ATP10D: variants seen among roughly 807,000 people sequenced by gnomAD.
ATP10D encodes phospholipid-transporting ATPase VD.
ATP10D carries 89 observed loss-of-function variants against 144.8 expected under a neutral mutation model. The observed-to-expected ratio is 0.61, with a 90% CI of 0.52 to 0.73. The LOEUF (loss-of-function observed/expected upper bound fraction) is 0.73. Among genes scored for constraint, ATP10D ranks in the 30% least tolerant of loss-of-function variants. The pLI is 0.00. For missense variants in ATP10D, 1,603 were observed against 1,714.8 expected, an observed-to-expected ratio of 0.93 and a Z score of 1.15; for synonymous variants, 571 against 615.1, an observed-to-expected ratio of 0.93 and a Z score of 1.06.
chr4:47,542,580 C>T (rs929611996), intron 9 of ATP10D, among the ~76,000 whole-genome samples: 14 of 152,126 alleles, frequency 9.2e-5, no homozygotes, highest in African/African-American at 3.4e-4. Flanking sequence ...TGGGTTTAAG[C>T]AGCTCTCCTG....
At chr4:47,557,491 C>T (rs1331470843) in intron 11 of ATP10D, among the ~76,000 whole-genome samples, 173 bp from the exon 12 acceptor site, 1 of 151,914 alleles carries the variant, frequency 6.6e-6, no homozygotes, top group African/African-American at 2.4e-5. Flanking sequence ...TATTAAAAAA[C>T]AAATTTTTAT....
At chr4:47,507,581 A>G (rs77461778) in intron 1 of ATP10D, among the ~76,000 whole-genome samples, 2,764 of 152,348 alleles carry the variant, frequency 0.018, 75 homozygotes, top group African/African-American at 0.063. Context: ...GAAAAGCCAG[A>G]TTGAGCCATG....
At chr4:47,524,187 A>T (rs1372666344) in intron 4 of ATP10D, among the ~76,000 whole-genome samples, 1 of 151,896 alleles carries the variant, frequency 6.6e-6, no homozygotes, top group Non-Finnish European at 1.5e-5. Flanking sequence ...CGGCCTCCCA[A>T]AGTGCTGGGA....
At position 47,569,051 on chromosome 4, in the gene ATP10D, G is replaced by A. The variant is rs1372854029; in HGVS notation, c.3068G>A (p.Cys1023Tyr). 7 of 1,614,220 alleles carry A rather than the reference G, an allele frequency of 4.3e-6. No individual in the cohort carries two copies. Among genetic ancestry groups the A allele is most frequent in the Middle Eastern group, 1.7e-4 (1 of 6,056 alleles). The change falls in exon 16 of 23, where the codon TGT (cysteine) becomes TAT (tyrosine). Residue 1023 changes from cysteine to tyrosine, a missense_variant. Transcript: ENST00000273859. Reference protein sequence around the residue: ...QKQFLELTSWCQAVVCCRATP... With the variant: ...QKQFLELTSWYQAVVCCRATP... Reference sequence around the variant, plus strand: ...CAGTTCCTGGAACTGACATCTTGGTGTCAAGCTGTGGTCTGCTGCCGAGCC... The same window carrying A: ...CAGTTCCTGGAACTGACATCTTGGTATCAAGCTGTGGTCTGCTGCCGAGCC...
intron 3 of ATP10D, among the ~76,000 whole-genome samples, chr4:47,519,720 C>T (rs1476585330): frequency 6.6e-6 from 1 of 152,172 alleles, no homozygotes; most frequent in African/African-American, 2.4e-5. Context: ...AGACTCAGTT[C>T]GGGTATCACT....
intron 3 of ATP10D, among the ~76,000 whole-genome samples, chr4:47,519,226 C>CTTT (rs1716828092): frequency 6.6e-6 from 1 of 152,186 alleles, no homozygotes; most frequent in Non-Finnish European, 1.5e-5. Flanking sequence ...TTACTTCTCC[C>CTTT]TTTTGTCCCT....
intron 15 of ATP10D, 91 bp downstream of exon 15, chr4:47,563,856 C>A (rs1369897554): frequency 2.4e-5 from 28 of 1,149,248 alleles, no homozygotes; most frequent in African/African-American, 6.4e-5. Context: ...AAAAAAAAAA[C>A]AAAACAGCAA....
rs536885096 is a variant in ATP10D, at chr4:47,579,312, G to T, written c.3568-1086G>T. On this transcript the variant is annotated intron_variant, in intron 19 of 22. Coordinates refer to ENST00000273859, the MANE Select transcript of ATP10D (RefSeq NM_020453.4). The stretch of plus-strand genomic sequence containing the variant: ...CCGATAAATATTTGTTGGGCACCTG[G>T]TATGTACAAGACACTGTTTTAGTCG... Among the ~76,000 whole-genome samples, 9 of 152,260 alleles carry T rather than the reference G, an allele frequency of 5.9e-5. 1 individual carries two copies. The South Asian group carries it at 8.3e-4, about 14-fold the overall frequency.
chr4:47,522,820 C>T (rs532025843), intron 3 of ATP10D, among the ~76,000 whole-genome samples, 192 bp from the exon 4 acceptor site: 4 of 152,264 alleles, frequency 2.6e-5, no homozygotes, highest in Admixed American at 6.5e-5. Flanking sequence ...CCACCCATCT[C>T]GGCCTCCCAA....
chr4:47,518,716 C>T (rs867052084), intron 3 of ATP10D, among the ~76,000 whole-genome samples: 6 of 152,114 alleles, frequency 3.9e-5, no homozygotes, highest in African/African-American at 1.4e-4. Flanking sequence ...GATAATTAAC[C>T]TTAGTAACAC....
At position 47,554,754 on chromosome 4, in the gene ATP10D, T is replaced by C; in HGVS notation, c.1664T>C (p.Leu555Pro). 5.6e-6 allele frequency: 9 copies of C among 1,613,510 alleles called. No homozygotes were observed. Among genetic ancestry groups the C allele is most frequent in the Non-Finnish European group, 7.6e-6 (9 of 1,179,670 alleles). The part of the protein sequence containing the change: ...IETDVVPDTR[L>P]LDKFSQITPR... ...ACAGACGTGGTACCAGACACCAGGC[T>C]TTTAGACAAATTTAGTCAGATTACA... is the stretch of plus-strand genomic sequence containing the variant. Residue 555 changes from leucine (L) to proline (P), a missense_variant, in exon 11 of 23, where the codon CTT (leucine) becomes CCT (proline). Physicochemically the swap from Leu to Pro is moderately conservative, Grantham distance 98. Coordinates refer to ENST00000273859, the MANE Select transcript of ATP10D (RefSeq NM_020453.4).
intron 15 of ATP10D, among the ~76,000 whole-genome samples, chr4:47,564,463 A>G (rs992649361): frequency 3.3e-5 from 5 of 152,252 alleles, no homozygotes; most frequent in Admixed American, 2.6e-4. Flanking sequence ...AGAAAAAGTG[A>G]TAGTTTTTAT....
intron 9 of ATP10D, among the ~76,000 whole-genome samples, chr4:47,545,772 A>C (rs1012175650): frequency 6.6e-6 from 1 of 152,210 alleles, no homozygotes; most frequent in African/African-American, 2.4e-5. Context: ...CTACTGGATG[A>C]TTCAAAAAAT....
At chr4:47,493,447 G>C (rs1715193229) in intron 1 of ATP10D, among the ~76,000 whole-genome samples, 1 of 152,190 alleles carries the variant, frequency 6.6e-6, no homozygotes, top group Admixed American at 6.5e-5. Flanking sequence ...TTTAACACTT[G>C]ATTATAAAGT....
intron 12 of ATP10D, 70 bp from the exon 13 acceptor site, chr4:47,558,853 A>G (rs140919542): frequency 1.6e-6 from 2 of 1,266,938 alleles, no homozygotes; most frequent in South Asian, 1.3e-5. Flanking sequence ...TAAAACTACT[A>G]TTGTTTTAAA....
rs771911187 is a variant in ATP10D at position 47,536,802 on chromosome 4, C to CT, written c.1260_1261insT (p.Arg421SerfsTer19). On this transcript the variant is annotated frameshift_variant, in exon 9 of 23. Transcript: ENST00000273859. LOFTEE classifies it high-confidence loss of function. ...AAAAAATGGATTCTATTGTTCAGTG[C>CT]CGAGCCCTGAACATCGCCGAGGATC... is the stretch of plus-strand genomic sequence containing the variant. 2 of 1,613,092 alleles carry CT rather than the reference C, an allele frequency of 1.2e-6. No individual in the cohort carries two copies. Among genetic ancestry groups the CT allele is most frequent in the Non-Finnish European group, 1.7e-6 (2 of 1,179,552 alleles).
At chr4:47,551,715 A>G (rs559406841) in intron 10 of ATP10D, among the ~76,000 whole-genome samples, 1 of 152,338 alleles carries the variant, frequency 6.6e-6, no homozygotes, top group Non-Finnish European at 1.5e-5. Context: ...TTAAAGCAAG[A>G]TGGTTTGAGT....
intron 1 of ATP10D, among the ~76,000 whole-genome samples, chr4:47,497,228 GGCAGATT>G (rs962287249): frequency 1.3e-5 from 2 of 152,184 alleles, no homozygotes; most frequent in African/African-American, 4.8e-5. Context: ...GGCTGAGGTG[GGCAGATT>G]GCCTGAAGTC....
At chr4:47,493,919 A>G (rs1035321082) in intron 1 of ATP10D, among the ~76,000 whole-genome samples, 3 of 152,182 alleles carry the variant, frequency 2.0e-5, no homozygotes, top group African/African-American at 7.2e-5. Context: ...GCAGGCCAGT[A>G]TATTCACTGG....
Sources: gnomAD v4.1 joint callset for allele counts (sites outside exome capture counted in the v4.1 genomes callset) on GRCh38, gnomAD v4.1.1 for gene constraint, MANE v1.5 for transcripts, NCBI Gene and HGNC (gene_info 2026-07-23, HGNC 2026-07-21) for gene names.